Variants in FBXO21 observed in about 807,000 individuals in gnomAD.
FBXO21 encodes the protein F-box only protein 21.
FBXO21 carries 32 observed loss-of-function variants against 76.6 expected under a neutral mutation model. That is an observed-to-expected ratio of 0.42 (90% confidence interval 0.32 to 0.56). The LOEUF is 0.56. Among genes scored for constraint, FBXO21 ranks in the 20% least tolerant of loss-of-function variants. The probability of loss-of-function intolerance (pLI) is 0.16; values close to 1 mark genes in which losing one functional copy is unlikely to be tolerated. For missense variants in FBXO21, 586 were observed against 797.3 expected, an observed-to-expected ratio of 0.73 and a Z score of 3.19; for synonymous variants, 328 against 311.5, an observed-to-expected ratio of 1.05 and a Z score of -0.56.
intron 11 of FBXO21, among the ~76,000 whole-genome samples, chr12:117,154,071 T>C (rs1222063062): frequency 1.3e-5 from 2 of 152,236 alleles, no homozygotes; most frequent in Admixed American, 6.5e-5. Flanking sequence ...CATTTATTCT[T>C]GTGAACGCCA....
chr12:117,182,698 G>A (rs1192897916), intron 3 of FBXO21, among the ~76,000 whole-genome samples: 1 of 151,806 alleles, frequency 6.6e-6, no homozygotes, highest in African/African-American at 2.4e-5. Context: ...GAGTAGCCGG[G>A]ATTACAGGCG....
At chr12:117,186,883 T>G (rs956579307) in intron 2 of FBXO21, among the ~76,000 whole-genome samples, 1 of 152,164 alleles carries the variant, frequency 6.6e-6, no homozygotes, top group African/African-American at 2.4e-5. Context: ...TCCCAGAACT[T>G]TGGGAGGCCA....
chr12:117,190,159 C>G, intron 1 of FBXO21, 59 bp downstream of exon 1: 1 of 986,728 alleles, frequency 1.0e-6, no homozygotes, highest in Non-Finnish European at 1.2e-6. Context: ...GGCGGCTGCC[C>G]GGCCCCGGGG....
chr12:117,184,824 T>C (rs1956267390), intron 3 of FBXO21, among the ~76,000 whole-genome samples: 1 of 152,258 alleles, frequency 6.6e-6, no homozygotes, highest in Non-Finnish European at 1.5e-5. Context: ...GTGATTTTGA[T>C]GTTTTACCCG....
intron 10 of FBXO21, 64 bp from the exon 11 acceptor site, chr12:117,156,012 G>C: frequency 6.5e-7 from 1 of 1,528,182 alleles, no homozygotes; most frequent in Non-Finnish European, 9.0e-7. Flanking sequence ...CCAGACAACC[G>C]CGTGGCTTCT....
Position 117,190,316 on chromosome 12 carries a change from C to G in FBXO21, c.141G>C (p.Leu47=). The G allele has an allele frequency of 6.5e-7, 1 of 1,529,870 alleles. No individual in the cohort carries two copies. Among genetic ancestry groups the G allele is most frequent in the Non-Finnish European group, 8.7e-7 (1 of 1,149,368 alleles). The allele number at this position is 1,529,870 out of a possible 1,614,324, so 94.8% of individuals were successfully genotyped here. ...VLEYILCCGS[L]TAADIGRVSS... is the part of the protein sequence containing the mutation. Reference sequence around the variant, plus strand: ...AGACACGGCCGATGTCGGCGGCCGTCAGCGAGCCGCAGCACAGGATGTACT... The same window carrying G: ...AGACACGGCCGATGTCGGCGGCCGTGAGCGAGCCGCAGCACAGGATGTACT... Residue 47 remains leucine, a synonymous_variant, in exon 1 of 12, where the codon CTG becomes CTC. Coordinates refer to ENST00000622495, the MANE Select transcript of FBXO21 (RefSeq NM_015002.3).
In FBXO21 at chr12:117,143,199, G is replaced by A. The variant is rs1206102657; in HGVS notation, c.*2888C>T. On this transcript the variant is annotated 3_prime_UTR_variant, in exon 12 of 12. Transcript: ENST00000622495. ...GCATGTCTGCAAACACCGGACCCCC[G>A]GGGACGGTGCGTGCGTGTAGGGGAG... is the stretch of plus-strand genomic sequence containing the variant. The A allele has an allele frequency of 6.6e-6, 1 of 152,280 alleles. No homozygotes were observed. The highest frequency in any genetic ancestry group is 6.5e-5 in the Admixed American group (1 of 15,304). 9.4% of individuals were successfully genotyped at this position (152,280 alleles called of 1,614,324 possible). A position where few individuals can be genotyped will look rare whatever the true frequency, so the allele number is the denominator to read the frequency against.
rs975933688 is a variant in FBXO21 at position 117,174,423 on chromosome 12, A to T, written c.740-82T>A. 7.1e-5 allele frequency: 103 copies of T among 1,445,460 alleles called. 1 individual carries two copies. In the African/African-American group the frequency reaches 1.4e-3, roughly 20 times the overall value. 89.5% of individuals were successfully genotyped at this position (1,445,460 alleles called of 1,614,324 possible). The stretch of plus-strand genomic sequence containing the variant: ...CCCAAACAACTCACAACATGAAGAC[A>T]TTGGCAATGGCCTAACAATATTAAT... On this transcript the variant is annotated intron_variant, in intron 5 of 11. Transcript: ENST00000622495.
chr12:117,150,894 T>G (rs1417729848), intron 11 of FBXO21, among the ~76,000 whole-genome samples: 1 of 149,640 alleles, frequency 6.7e-6, no homozygotes, highest in Non-Finnish European at 1.5e-5. Context: ...TGTGTGTGTG[T>G]GTGTGTGTCA....
At position 117,146,234 on chromosome 12, in the gene FBXO21, A is replaced by G; in HGVS notation, c.1719T>C (p.Pro573=). 1 of 1,612,182 alleles carries G rather than the reference A, an allele frequency of 6.2e-7. No individual in the cohort carries two copies. The highest frequency in any genetic ancestry group is 8.5e-7 in the Non-Finnish European group (1 of 1,179,494). Reference sequence around the variant, plus strand: ...ACTCTGAGAAATAGCGTCCCACGTCAGGGTGTGAGATTTCTTGAGGCTCCA... The same window carrying G: ...ACTCTGAGAAATAGCGTCCCACGTCGGGGTGTGAGATTTCTTGAGGCTCCA... ...YNVEPQEISH[P]DVGRYFSEFT... The change falls in exon 12 of 12, where the codon CCT becomes CCC. Residue 573 remains proline (P), a synonymous_variant. Transcript: ENST00000622495.
Position 117,174,644 on chromosome 12 carries a change from G to A in FBXO21, c.739+7C>T, listed in dbSNP as rs765075583. On this transcript the variant is annotated splice_region_variant and intron_variant, in intron 5 of 11. Coordinates refer to ENST00000622495, the MANE Select transcript of FBXO21 (RefSeq NM_015002.3). Reference sequence around the variant, plus strand: ...TAAATACAGCTGGATCCAAAGCAATGCCACACCTGCCTTGAAGGCCAAGCT... The same window carrying A: ...TAAATACAGCTGGATCCAAAGCAATACCACACCTGCCTTGAAGGCCAAGCT... The A allele has an allele frequency of 6.2e-7, 1 of 1,613,692 alleles. No homozygotes were observed. Among genetic ancestry groups the A allele is most frequent in the Admixed American group, 1.7e-5 (1 of 59,914 alleles).
chr12:117,165,326 AG>A (rs1221706839), intron 9 of FBXO21, among the ~76,000 whole-genome samples, 158 bp downstream of exon 9: 4 of 152,186 alleles, frequency 2.6e-5, no homozygotes, highest in African/African-American at 9.7e-5. Flanking sequence ...TTAGAATAAG[AG>A]AAGTAAAAAA....
At chr12:117,185,633 C>T (rs1956274160) in intron 3 of FBXO21, among the ~76,000 whole-genome samples, 1 of 152,024 alleles carries the variant, frequency 6.6e-6, no homozygotes, top group Non-Finnish European at 1.5e-5. Context: ...CAAGTGAGTC[C>T]CTAAGTACGC....
At chr12:117,147,909 C>T (rs1014314418) in intron 11 of FBXO21, among the ~76,000 whole-genome samples, 12 of 152,224 alleles carry the variant, frequency 7.9e-5, no homozygotes, top group South Asian at 4.1e-4. Context: ...TGGCACTGCC[C>T]ATCACTCGAA....
chr12:117,173,489 A>G (rs1387252886), intron 6 of FBXO21, among the ~76,000 whole-genome samples: 1 of 152,244 alleles, frequency 6.6e-6, no homozygotes, highest in Non-Finnish European at 1.5e-5. Flanking sequence ...AACAAACTAA[A>G]TATGAAAATG....
intron 3 of FBXO21, among the ~76,000 whole-genome samples, chr12:117,178,601 C>T (rs754013584): frequency 2.4e-4 from 37 of 152,074 alleles, no homozygotes; most frequent in Non-Finnish European, 4.4e-4. Context: ...GCCACTCCCC[C>T]TCAGTCCAGC....
Position 117,190,160 on chromosome 12 carries a change from G to A in FBXO21, c.239+58C>T, listed in dbSNP as rs919495606. 1,471 of 984,258 alleles carry A rather than the reference G, an allele frequency of 1.5e-3. 2 individuals carry two copies. Among genetic ancestry groups the A allele is most frequent in the Non-Finnish European group, 1.7e-3 (1,362 of 803,188 alleles). The allele number at this position is 984,258 out of a possible 1,614,324, so 61.0% of individuals were successfully genotyped here. Reference sequence around the variant, plus strand: ...CGGGGAGCTAGCGGGGCGGCTGCCCGGCCCCGGGGGGCGCGGGGCGGTGGG... The same window carrying A: ...CGGGGAGCTAGCGGGGCGGCTGCCCAGCCCCGGGGGGCGCGGGGCGGTGGG... On this transcript the variant is annotated intron_variant, in intron 1 of 11. Coordinates refer to ENST00000622495, the MANE Select transcript of FBXO21 (RefSeq NM_015002.3).
At chr12:117,155,504 A>G (rs780293724) in intron 11 of FBXO21, 67 of 453,644 alleles carry the variant, frequency 1.5e-4, no homozygotes, top group Non-Finnish European at 2.3e-4. Context: ...AGGAGGCAGG[A>G]CTTACAGGAA....
intron 3 of FBXO21, among the ~76,000 whole-genome samples, chr12:117,180,470 T>C (rs145256050): frequency 3.4e-3 from 518 of 152,334 alleles, no homozygotes; most frequent in African/African-American, 0.012. Flanking sequence ...TCTTCTATCT[T>C]ATATCTATGT....
Sources: gnomAD v4.1 joint callset for allele counts (sites outside exome capture counted in the v4.1 genomes callset) on GRCh38, gnomAD v4.1.1 for gene constraint, MANE v1.5 for transcripts, NCBI Gene and HGNC (gene_info 2026-07-23, HGNC 2026-07-21) for gene names.